Variants in NAV3 observed in about 807,000 individuals in gnomAD.
NAV3 encodes the protein pore membrane and/or filament interacting like protein 1.
Under a neutral mutation model 244.7 loss-of-function variants are expected in NAV3, and 87 were observed. The observed-to-expected ratio is 0.36, with a 90% confidence interval of 0.30 to 0.42. The LOEUF is 0.42. NAV3 is among the 20% of genes least tolerant of loss of function. NAV3 has a pLI of 1.00. For missense variants in NAV3, 2,663 were observed against 2,893.3 expected (o/e 0.92, Z 1.83); for synonymous variants, 1,126 against 1,042.2 (o/e 1.08, Z -1.55).
rs57550714 is a variant in NAV3, at chr12:77,959,912, C to CAAAA, written c.415-6292_415-6289dup. Among the ~76,000 whole-genome samples the CAAAA allele has an allele frequency of 1.5e-4, 10 of 64,708 alleles. 1 individual carries two copies. The highest frequency in any genetic ancestry group is 5.0e-4 in the African/African-American group (8 of 16,088). 42.5% of individuals were successfully genotyped at this position (64,708 alleles called of 152,430 possible). On this transcript the variant is annotated intron_variant, in intron 3 of 39. Coordinates refer to ENST00000397909, the MANE Select transcript of NAV3 (RefSeq NM_001024383.2). ...AGTAGTATATTCCTCCCTGACCCGACAAAAAAAAAAAAAAAAAAAAAAAAA... is the reference window on the plus strand; with the variant it reads ...AGTAGTATATTCCTCCCTGACCCGACAAAAAAAAAAAAAAAAAAAAAAAAAAAAA...
At chr12:78,037,347 C>T (rs1260530660) in intron 9 of NAV3, 1 of 702,748 alleles carries the variant, frequency 1.4e-6, no homozygotes, top group East Asian at 2.7e-5. Context: ...CCTTACCATG[C>T]TGGGTGATCT....
chr12:77,598,643 T>C (rs1870282313), intron 2 of NAV3, among the ~76,000 whole-genome samples: 1 of 151,950 alleles, frequency 6.6e-6, no homozygotes, highest in Admixed American at 6.6e-5. Context: ...AATTTGGTCA[T>C]ATGGATACAC....
chr12:78,096,318 T>A (rs1954248682), intron 12 of NAV3, among the ~76,000 whole-genome samples: 1 of 152,190 alleles, frequency 6.6e-6, no homozygotes, highest in Non-Finnish European at 1.5e-5. Flanking sequence ...TATCATTCAT[T>A]CTGGCAGGCC....
chr12:77,724,071 G>A (rs1028256051), intron 2 of NAV3, among the ~76,000 whole-genome samples: 1 of 151,692 alleles, frequency 6.6e-6, no homozygotes, highest in East Asian at 1.9e-4. Context: ...AGTTTACTGT[G>A]TAAATAAATG....
At chr12:78,186,007 T>C (rs1276706028) in intron 31 of NAV3, among the ~76,000 whole-genome samples, 1 of 151,876 alleles carries the variant, frequency 6.6e-6, no homozygotes, top group Non-Finnish European at 1.5e-5. Flanking sequence ...TTGGTTTCAC[T>C]TATTTGTTAT....
Position 78,146,370 on chromosome 12 carries a change from C to A in NAV3, c.4685C>A (p.Ala1562Asp). Reference sequence around the variant, plus strand: ...GTCTTTCTTTTTATTGTTTTACAGGCTGAAGAAAAGGCTCATTCAGAGGTA... The same window carrying A: ...GTCTTTCTTTTTATTGTTTTACAGGATGAAGAAAAGGCTCATTCAGAGGTA... ...VSSTSSLYSTAEEKAHSEQIH... is the reference protein window; with the variant it reads ...VSSTSSLYSTDEEKAHSEQIH... Residue 1562 changes from alanine (A) to aspartate (D), a missense_variant and splice_region_variant, in exon 21 of 40, where the codon GCT (alanine) becomes GAT (aspartate). By Grantham distance (126) the Ala-to-Asp change is moderately radical. Coordinates refer to ENST00000397909, the MANE Select transcript of NAV3 (RefSeq NM_001024383.2). 9.1e-7 allele frequency: 1 copy of A among 1,094,640 alleles called. No individual in the cohort carries two copies. The highest frequency in any genetic ancestry group is 1.3e-6 in the Non-Finnish European group (1 of 789,798). The allele number at this position is 1,094,640 out of a possible 1,614,324, so 67.8% of individuals were successfully genotyped here.
intron 2 of NAV3, among the ~76,000 whole-genome samples, chr12:77,581,232 T>C (rs1189246271): frequency 6.6e-6 from 1 of 152,216 alleles, no homozygotes; most frequent in African/African-American, 2.4e-5. Context: ...TTGCTTTTTT[T>C]CCTTAAGTAT....
At chr12:78,021,280 A>G (rs79004727) in intron 8 of NAV3, among the ~76,000 whole-genome samples, 6,165 of 152,236 alleles carry the variant, frequency 0.04, 407 homozygotes, top group East Asian at 0.29. Flanking sequence ...TAATTAAGTC[A>G]TCATAATGAT....
At chr12:77,910,969 G>C (rs904201564) in intron 1 of NAV3, among the ~76,000 whole-genome samples, 3 of 152,112 alleles carry the variant, frequency 2.0e-5, no homozygotes, top group Non-Finnish European at 4.4e-5. Flanking sequence ...GACATGCAGA[G>C]GGAAAACTTT....
chr12:78,199,176 A>T, intron 36 of NAV3, 159 bp from the exon 37 acceptor site: 1 of 716,212 alleles, frequency 1.4e-6, no homozygotes, highest in Non-Finnish European at 2.5e-6. Flanking sequence ...AGACCTCCTA[A>T]CACCTTTGAT....
At chr12:78,203,774 G>C (rs986092792) in intron 38 of NAV3, among the ~76,000 whole-genome samples, 1 of 151,872 alleles carries the variant, frequency 6.6e-6, no homozygotes, top group Admixed American at 6.6e-5. Context: ...TAAGGAAAAA[G>C]TGTCCCTATG....
rs766888072 is a variant in NAV3, at chr12:78,204,919, C to T, written c.6835-16C>T. 1.1e-5 allele frequency: 17 copies of T among 1,611,540 alleles called. No individual in the cohort carries two copies. Among genetic ancestry groups the T allele is most frequent in the East Asian group, 8.9e-5 (4 of 44,760 alleles). ...ATGCATTTTATATATATCCTAAACG[C>T]GTGGTCAACTTTTAGATGTATGGGA... On this transcript the variant is annotated splice_polypyrimidine_tract_variant and intron_variant, in intron 38 of 39. Coordinates refer to ENST00000397909, the MANE Select transcript of NAV3 (RefSeq NM_001024383.2).
rs142894840 is a variant in NAV3, at chr12:77,971,582, A to G, written c.671+2880A>G. Among the ~76,000 whole-genome samples, 1,299 of 152,276 alleles carry G rather than the reference A, an allele frequency of 8.5e-3. 11 individuals are homozygous for G. Among genetic ancestry groups the G allele is most frequent in the African/African-American group, 0.025 (1,027 of 41,588 alleles). ...TTTCAAAAGGCCACAATGATAATAT[A>G]CATAGGAACATAATGTAGTATCTAT... On this transcript the variant is annotated intron_variant, in intron 5 of 39. Coordinates refer to ENST00000397909, the MANE Select transcript of NAV3 (RefSeq NM_001024383.2).
chr12:77,574,899 T>C (rs1377881250), intron 2 of NAV3, among the ~76,000 whole-genome samples: 1 of 151,946 alleles, frequency 6.6e-6, no homozygotes, highest in Non-Finnish European at 1.5e-5. Flanking sequence ...ATTCATAGGG[T>C]GCTTATCATA....
At chr12:77,892,836 C>T (rs765981119) in intron 1 of NAV3, among the ~76,000 whole-genome samples, 12 of 152,186 alleles carry the variant, frequency 7.9e-5, no homozygotes, top group African/African-American at 1.4e-4. Context: ...ATAAAATATA[C>T]GCAAAGTGCT....
At chr12:78,013,515 A>G (rs1875659448) in intron 8 of NAV3, among the ~76,000 whole-genome samples, 1 of 152,086 alleles carries the variant, frequency 6.6e-6, no homozygotes, top group Non-Finnish European at 1.5e-5. Context: ...TCAATAAAAG[A>G]TACGTAGGCT....
chr12:78,055,084 ATG>A (rs1452139185), intron 11 of NAV3, among the ~76,000 whole-genome samples: 3 of 152,306 alleles, frequency 2.0e-5, no homozygotes, highest in East Asian at 3.9e-4. Flanking sequence ...AGTTCATCCT[ATG>A]TGTCAAGCAA....
chr12:77,637,498 T>C (rs1029161969), intron 2 of NAV3, among the ~76,000 whole-genome samples: 18 of 152,262 alleles, frequency 1.2e-4, no homozygotes, highest in African/African-American at 4.3e-4. Context: ...CATATAGATA[T>C]ATAAGCAGCT....
chr12:78,107,713 G>T (rs1954875798), intron 12 of NAV3, among the ~76,000 whole-genome samples: 1 of 152,064 alleles, frequency 6.6e-6, no homozygotes, highest in South Asian at 2.1e-4. Flanking sequence ...GAGGTAGTTT[G>T]TTACTACTAG....
Sources: gnomAD v4.1 joint callset for allele counts (sites outside exome capture counted in the v4.1 genomes callset) on GRCh38, gnomAD v4.1.1 for gene constraint, MANE v1.5 for transcripts, NCBI Gene and HGNC (gene_info 2026-07-23, HGNC 2026-07-21) for gene names.